CELF4: variants seen among roughly 807,000 people sequenced by gnomAD.
The protein encoded by CELF4 is CUGBP Elav-like family member 4, also known as CUG-BP- and ETR-3-like factor 4.
CELF4 carries 18 observed loss-of-function variants against 59.9 expected under a neutral mutation model. The observed-to-expected ratio is 0.30, with a 90% CI of 0.21 to 0.45. CELF4 has a LOEUF of 0.45. Among genes scored for constraint, CELF4 ranks in the 20% least tolerant of loss-of-function variants. The pLI, the probability that CELF4 is intolerant of heterozygous loss-of-function variation, is 1.00. For missense variants in CELF4, 456 were observed against 689.0 expected (o/e 0.66, Z 3.79); for synonymous variants, 261 against 267.1 (o/e 0.98, Z 0.22).
At chr18:37,433,815 A>G (rs2099679310) in intron 2 of CELF4, among the ~76,000 whole-genome samples, 2 of 152,218 alleles carry the variant, frequency 1.3e-5, no homozygotes, top group African/African-American at 4.8e-5. Flanking sequence ...GCAGGGAGGT[A>G]GACTGGGTGG....
chr18:37,248,308 T>G (rs1407498458), intron 12 of CELF4, among the ~76,000 whole-genome samples: 1 of 152,222 alleles, frequency 6.6e-6, no homozygotes, highest in Admixed American at 6.5e-5. Flanking sequence ...TTACCCTCTT[T>G]CTTTGCTCAC....
intron 10 of CELF4, among the ~76,000 whole-genome samples, chr18:37,261,434 C>T (rs889219997): frequency 6.6e-6 from 1 of 152,238 alleles, no homozygotes; most frequent in Non-Finnish European, 1.5e-5. Flanking sequence ...CTCAATCCCA[C>T]ATGCGCGGTG....
chr18:37,249,573 A>G (rs1180315686), intron 12 of CELF4, among the ~76,000 whole-genome samples: 2 of 152,022 alleles, frequency 1.3e-5, no homozygotes, highest in Non-Finnish European at 2.9e-5. Context: ...TAGACACATA[A>G]CACACCCTCA....
chr18:37,371,949 T>C (rs1267660405), intron 2 of CELF4, among the ~76,000 whole-genome samples: 1 of 152,224 alleles, frequency 6.6e-6, no homozygotes, highest in African/African-American at 2.4e-5. Context: ...TTCTTTTCAA[T>C]GTGCAGTTGG....
intron 1 of CELF4, among the ~76,000 whole-genome samples, chr18:37,517,409 G>A (rs970382205): frequency 2.0e-5 from 3 of 152,076 alleles, no homozygotes; most frequent in Admixed American, 6.5e-5. Context: ...TTTTGGGCAG[G>A]GGCAGGGCGG....
At chr18:37,353,905 C>G (rs1230749994) in intron 2 of CELF4, among the ~76,000 whole-genome samples, 2 of 151,724 alleles carry the variant, frequency 1.3e-5, no homozygotes, top group Non-Finnish European at 2.9e-5. Flanking sequence ...TACAGGCACT[C>G]ACCACACGCC....
At chr18:37,546,289 C>T (rs926185332) in intron 1 of CELF4, among the ~76,000 whole-genome samples, 5 of 152,192 alleles carry the variant, frequency 3.3e-5, no homozygotes, top group African/African-American at 1.2e-4. Context: ...ATCTCCTCGC[C>T]CAGGTCTCAC....
At chr18:37,533,373 C>A (rs2099971024) in intron 1 of CELF4, among the ~76,000 whole-genome samples, 1 of 152,182 alleles carries the variant, frequency 6.6e-6, no homozygotes. Context: ...TCCGGAGTTT[C>A]TAACATGGAG....
At chr18:37,371,413 A>G (rs1158987148) in intron 2 of CELF4, among the ~76,000 whole-genome samples, 1 of 152,188 alleles carries the variant, frequency 6.6e-6, no homozygotes, top group African/African-American at 2.4e-5. Flanking sequence ...TCCTGGCCTC[A>G]GGGGATGTGC....
At chr18:37,439,746 A>G (rs566014783) in intron 2 of CELF4, among the ~76,000 whole-genome samples, 1 of 152,290 alleles carries the variant, frequency 6.6e-6, no homozygotes, top group South Asian at 2.1e-4. Context: ...TGTGGGAGGC[A>G]GGGCTCAGTT....
chr18:37,412,184 CT>C (rs1021953992), intron 2 of CELF4, among the ~76,000 whole-genome samples: 1 of 152,240 alleles, frequency 6.6e-6, no homozygotes, highest in East Asian at 1.9e-4. Context: ...ATGTCCATTG[CT>C]GGACAAAACA....
intron 2 of CELF4, among the ~76,000 whole-genome samples, chr18:37,435,302 G>C (rs1191229626): frequency 6.6e-6 from 1 of 152,160 alleles, no homozygotes; most frequent in Non-Finnish European, 1.5e-5. Context: ...TGGCTGACCT[G>C]TGACCAGCCT....
intron 1 of CELF4, among the ~76,000 whole-genome samples, chr18:37,495,799 T>C (rs2099924503): frequency 6.6e-6 from 1 of 152,028 alleles, no homozygotes; most frequent in South Asian, 2.1e-4. Context: ...CACTCCCTGA[T>C]ATATCCACAG....
At chr18:37,358,491 A>C (rs1938186850) in intron 2 of CELF4, among the ~76,000 whole-genome samples, 1 of 152,190 alleles carries the variant, frequency 6.6e-6, no homozygotes, top group Admixed American at 6.5e-5. Flanking sequence ...GGACTAATAC[A>C]GAGGATAAGA....
intron 2 of CELF4, among the ~76,000 whole-genome samples, chr18:37,479,716 G>A (rs570472692): frequency 3.3e-5 from 5 of 152,160 alleles, no homozygotes; most frequent in African/African-American, 1.2e-4. Context: ...GAGCCACAGG[G>A]CAGCCCCTTT....
intron 2 of CELF4, among the ~76,000 whole-genome samples, chr18:37,354,875 G>A (rs887928651): frequency 7.2e-5 from 11 of 152,198 alleles, no homozygotes; most frequent in Non-Finnish European, 1.5e-4. Context: ...TTTGTGGTGG[G>A]AGCCAGGGAA....
intron 2 of CELF4, among the ~76,000 whole-genome samples, chr18:37,400,097 A>C (rs1419441664): frequency 2.6e-5 from 4 of 152,206 alleles, no homozygotes; most frequent in Admixed American, 2.0e-4. Context: ...GCCTTGAAGT[A>C]AAAGGAGGGT....
intron 2 of CELF4, among the ~76,000 whole-genome samples, chr18:37,340,580 G>A (rs748516897): frequency 3.3e-5 from 5 of 152,144 alleles, no homozygotes; most frequent in African/African-American, 7.2e-5. Context: ...GTTCCCTCTC[G>A]TCTCCCAGTC....
chr18:37,259,027 G>A (rs2072305237), intron 11 of CELF4, 154 bp downstream of exon 11: 1 of 1,177,328 alleles, frequency 8.5e-7, no homozygotes, highest in African/African-American at 1.5e-5. Context: ...GGGGCAATGT[G>A]AAGGAGCAGG....
Sources: gnomAD v4.1 joint callset for allele counts (sites outside exome capture counted in the v4.1 genomes callset) on GRCh38, gnomAD v4.1.1 for gene constraint, MANE v1.5 for transcripts, NCBI Gene and HGNC (gene_info 2026-07-23, HGNC 2026-07-21) for gene names.